Variants in RNF144A observed in about 807,000 individuals in gnomAD.
RNF144A encodes the protein E3 ubiquitin-protein ligase RNF144A.
Under a neutral mutation model 38.7 loss-of-function variants are expected in RNF144A, and 11 were observed. The observed-to-expected ratio is 0.28, with a 90% CI of 0.18 to 0.47. The LOEUF is 0.47. Among genes scored for constraint, RNF144A ranks in the 20% least tolerant of loss-of-function variants. RNF144A has a pLI of 0.99. For synonymous variants in RNF144A, 149 were observed against 143.9 expected (o/e 1.04, Z -0.25); for missense variants, 316 against 377.2 (o/e 0.84, Z 1.34).
At chr2:7,007,336 C>G (rs918675349) in intron 3 of RNF144A, among the ~76,000 whole-genome samples, 2 of 152,226 alleles carry the variant, frequency 1.3e-5, no homozygotes, top group African/African-American at 4.8e-5. Context: ...CCAACAGAGG[C>G]TGAATTAAGA....
intron 5 of RNF144A, among the ~76,000 whole-genome samples, chr2:7,016,553 T>C (rs1292980657): frequency 6.8e-6 from 1 of 146,936 alleles, no homozygotes; most frequent in South Asian, 2.1e-4. Flanking sequence ...TGGCTTCTGT[T>C]AAAAAAAAAA....
chr2:6,961,057 G>A (rs1265257802), intron 2 of RNF144A, among the ~76,000 whole-genome samples: 1 of 151,912 alleles, frequency 6.6e-6, no homozygotes, highest in Non-Finnish European at 1.5e-5. Context: ...TCCTCTGGAT[G>A]TCTTTCTTGT....
At chr2:7,061,441 G>C (rs1163367878) in intron 6 of RNF144A, among the ~76,000 whole-genome samples, 1 of 152,084 alleles carries the variant, frequency 6.6e-6, no homozygotes, top group African/African-American at 2.4e-5. Flanking sequence ...ATATTCTGAG[G>C]GAAAATGGAG....
intron 2 of RNF144A, among the ~76,000 whole-genome samples, chr2:6,969,389 A>G (rs1296589220): frequency 1.3e-5 from 2 of 152,190 alleles, no homozygotes; most frequent in African/African-American, 4.8e-5. Flanking sequence ...GGAAGATGAT[A>G]TAAAGAGAAG....
At chr2:7,008,603 C>T (rs980447396) in intron 3 of RNF144A, among the ~76,000 whole-genome samples, 2 of 152,222 alleles carry the variant, frequency 1.3e-5, no homozygotes, top group African/African-American at 2.4e-5. Flanking sequence ...CCCATGCTTC[C>T]CTGTCCCCCC....
chr2:6,983,318 C>T (rs183348526), intron 2 of RNF144A, among the ~76,000 whole-genome samples: 7 of 152,298 alleles, frequency 4.6e-5, no homozygotes, highest in Non-Finnish European at 8.8e-5. Context: ...CTCCCTGGCT[C>T]CACACTGTTG....
intron 5 of RNF144A, among the ~76,000 whole-genome samples, chr2:7,018,925 C>T (rs1671326601): frequency 1.3e-5 from 2 of 151,856 alleles, no homozygotes; most frequent in African/African-American, 4.8e-5. Flanking sequence ...CAGATGAGAT[C>T]AAGGGTCAGC....
chr2:6,967,183 G>A (rs529146796), intron 2 of RNF144A, among the ~76,000 whole-genome samples: 3 of 152,198 alleles, frequency 2.0e-5, no homozygotes, highest in Non-Finnish European at 2.9e-5. Context: ...TTATCAGTTC[G>A]TACATGTGTG....
chr2:6,977,080 A>C (rs1480753459), intron 2 of RNF144A, among the ~76,000 whole-genome samples: 1 of 152,242 alleles, frequency 6.6e-6, no homozygotes, highest in Non-Finnish European at 1.5e-5. Context: ...AATATTACGC[A>C]TTGCCTCTCA....
At chr2:6,932,214 G>A (rs1432258177) in intron 1 of RNF144A, among the ~76,000 whole-genome samples, 6 of 151,960 alleles carry the variant, frequency 3.9e-5, no homozygotes, top group East Asian at 1.9e-4. Context: ...TGCTTTATTC[G>A]AAATTAACAT....
At chr2:6,949,117 A>C (rs1249042775) in intron 2 of RNF144A, among the ~76,000 whole-genome samples, 1 of 152,186 alleles carries the variant, frequency 6.6e-6, no homozygotes, top group Non-Finnish European at 1.5e-5. Context: ...GGTGCAGGCT[A>C]AAGTCAGCCC....
chr2:7,017,122 A>G (rs1167686807), intron 5 of RNF144A, among the ~76,000 whole-genome samples: 1 of 152,000 alleles, frequency 6.6e-6, no homozygotes, highest in Non-Finnish European at 1.5e-5. Flanking sequence ...CTCATGCTAC[A>G]CTCGACGCCC....
chr2:6,954,333 C>G (rs888656567), intron 2 of RNF144A, among the ~76,000 whole-genome samples: 1 of 151,880 alleles, frequency 6.6e-6, no homozygotes, highest in Admixed American at 6.6e-5. Context: ...GTAGACAGCA[C>G]TGATATTTTC....
chr2:6,968,834 A>G (rs906494801), intron 2 of RNF144A, among the ~76,000 whole-genome samples: 2 of 152,166 alleles, frequency 1.3e-5, no homozygotes, highest in African/African-American at 4.8e-5. Context: ...TGGTGGTCAG[A>G]GCCCACGGTG....
chr2:6,976,860 T>C (rs771257), intron 2 of RNF144A, among the ~76,000 whole-genome samples: 45,922 of 151,798 alleles, frequency 0.3, 7,131 homozygotes, highest in African/African-American at 0.34. Flanking sequence ...TCCTGCAAAA[T>C]GTCATTCTAT....
chr2:7,046,771 A>G (rs574084048), downstream of RNF144A, among the ~76,000 whole-genome samples: 20 of 152,334 alleles, frequency 1.3e-4, 1 homozygote, highest in South Asian at 3.7e-3. Flanking sequence ...TGCAAAGAAA[A>G]ATGGAGTCAA....
intron 2 of RNF144A, among the ~76,000 whole-genome samples, chr2:6,973,528 C>T (rs1668121247): frequency 6.6e-6 from 1 of 152,210 alleles, no homozygotes; most frequent in Non-Finnish European, 1.5e-5. Flanking sequence ...CTGCAGAAGG[C>T]CAGCCTGGCA....
rs1380146414 is a variant in RNF144A, at chr2:6,962,898, T to C, written c.-12+21751T>C. Among the ~76,000 whole-genome samples the C allele has an allele frequency of 6.6e-6, 1 of 152,234 alleles. No homozygotes were observed. Among genetic ancestry groups the C allele is most frequent in the African/African-American group, 2.4e-5 (1 of 41,470 alleles). Reference sequence around the variant, plus strand: ...CCAGTGTTGAATTTGTGGTGGTCTTTGAACTGTGATTGATCGTTGAAGGGA... The same window carrying C: ...CCAGTGTTGAATTTGTGGTGGTCTTCGAACTGTGATTGATCGTTGAAGGGA... On this transcript the variant is annotated intron_variant, in intron 2 of 8. Transcript: ENST00000320892. The surrounding 1 kb of genome is among the most constrained non-coding windows in gnomAD (Gnocchi z 4.1).
intron 2 of RNF144A, among the ~76,000 whole-genome samples, chr2:6,986,565 G>T (rs972141911): frequency 3.3e-5 from 5 of 152,172 alleles, no homozygotes; most frequent in Admixed American, 6.5e-5. Flanking sequence ...ACACCCCACA[G>T]TGGCTCTTTG....
Sources: gnomAD v4.1 joint callset for allele counts (sites outside exome capture counted in the v4.1 genomes callset) on GRCh38, gnomAD v4.1.1 for gene constraint, Gnocchi (gnomAD v3.1) non-coding constraint, MANE v1.5 for transcripts, NCBI Gene and HGNC (gene_info 2026-07-23, HGNC 2026-07-21) for gene names.